NEB: variants seen among roughly 807,000 people sequenced by gnomAD.
NEB encodes nemaline myopathy type 2.
In NEB, 512 loss-of-function variants were observed where a neutral mutation model predicts 952.2. The ratio of observed to expected loss-of-function variants is 0.54; its 90% CI spans 0.50 to 0.58. The LOEUF (loss-of-function observed/expected upper bound fraction) is 0.58. Ranked by LOEUF, NEB falls within the 20% of genes least tolerant of loss-of-function variation. The probability of loss-of-function intolerance (pLI) is 0.00; values close to 1 mark genes in which losing one functional copy is unlikely to be tolerated. For missense variants in NEB, 8,428 were observed against 9,231.1 expected, an observed-to-expected ratio of 0.91 and a Z score of 3.56; for synonymous variants, 2,900 against 3,149.8, an observed-to-expected ratio of 0.92 and a Z score of 2.66.
At chr2:151,501,518 GACCCATC>G (rs1439777502) in intron 167 of NEB, 35 bp from the exon 168 acceptor site, 1 of 1,248,374 alleles carries the variant, frequency 8.0e-7, no homozygotes, top group East Asian at 2.7e-5. Context: ...AATCAACCTG[GACCCATC>G]ATTTTTTAGG....
intron 38 of NEB, among the ~76,000 whole-genome samples, chr2:151,670,419 A>AC: frequency 6.6e-6 from 1 of 152,118 alleles, no homozygotes; most frequent in African/African-American, 2.4e-5. Flanking sequence ...CAGAAAGAAT[A>AC]AGAGTCCATA....
intron 74 of NEB, among the ~76,000 whole-genome samples, 180 bp downstream of exon 74, chr2:151,618,095 C>G (rs2098265531): frequency 6.6e-6 from 1 of 152,072 alleles, no homozygotes; most frequent in Non-Finnish European, 1.5e-5. Flanking sequence ...GCACACAGTA[C>G]TTTTAACAAT....
At chr2:151,546,828 G>A (rs2094777962) in intron 133 of NEB, among the ~76,000 whole-genome samples, 1 of 152,148 alleles carries the variant, frequency 6.6e-6, no homozygotes, top group East Asian at 1.9e-4. Context: ...CAAAGTGCTG[G>A]GATTACAGGC....
In NEB at chr2:151,560,659, C is replaced by G. The variant is rs1021365910; in HGVS notation, c.19247G>C (p.Ser6416Thr). The G allele has an allele frequency of 1.2e-6, 2 of 1,612,358 alleles. No individual in the cohort carries two copies. The highest frequency in any genetic ancestry group is 1.7e-6 in the Non-Finnish European group (2 of 1,179,314). ...CAAGGTGCTGGAAGGCAGGATGTAG[C>G]TGGTGGCTTTCACTCTATCCCAGGC... The part of the protein sequence containing the change: ...KEAWDRVKAT[S>T]YILPSSTLSL... Residue 6416 changes from serine to threonine, a missense_variant, in exon 124 of 182, where the codon AGC becomes ACC. Ser to Thr is a moderately conservative substitution (Grantham distance 58, BLOSUM62 1). This residue lies in a region of NEB where 3,374 missense variants were observed against 3,651.5 expected (regional missense o/e 0.92). Coordinates refer to ENST00000397345, the MANE Select transcript of NEB (RefSeq NM_001164508.2).
At chr2:151,528,095 C>G (rs1266429115) in intron 146 of NEB, among the ~76,000 whole-genome samples, 1 of 152,154 alleles carries the variant, frequency 6.6e-6, no homozygotes, top group Non-Finnish European at 1.5e-5. Flanking sequence ...GTTAAGTAAA[C>G]TTCCCAAGGT....
At chr2:151,540,509 C>T in intron 137 of NEB, 61 bp from the exon 138 acceptor site, 1 of 1,328,616 alleles carries the variant, frequency 7.5e-7, no homozygotes, top group South Asian at 1.3e-5. Context: ...TCCAACCAAG[C>T]CACCTACAGG....
At chr2:151,531,134 C>T (rs1490880442) in intron 144 of NEB, 33 bp from the exon 145 acceptor site, 1 of 1,361,164 alleles carries the variant, frequency 7.3e-7, no homozygotes, top group Admixed American at 1.8e-5. Context: ...GACATCATGT[C>T]ATGCTTCTCA....
At chr2:151,702,050 A>G in intron 13 of NEB, among the ~76,000 whole-genome samples, 1 of 148,432 alleles carries the variant, frequency 6.7e-6, no homozygotes, top group Non-Finnish European at 1.5e-5. Flanking sequence ...CGTCCCAGAG[A>G]TTCTGGTATG....
At chr2:151,618,542 G>A in intron 73 of NEB, 64 bp from the exon 74 acceptor site, 1 of 1,489,520 alleles carries the variant, frequency 6.7e-7, no homozygotes, top group Non-Finnish European at 9.2e-7. Flanking sequence ...GTTACAAAAT[G>A]GGTTATCCTA....
chr2:151,684,802 C>T lies in NEB; in HGVS notation c.2811G>A (p.Lys937=), dbSNP rs756495284. The change falls in exon 28 of 182, where the codon AAG becomes AAA. Residue 937 remains lysine (K), a synonymous_variant. Transcript: ENST00000397345. ...CATCGCTCTGCAGCGCATATGCCTT[C>T]TTGGCAAGGTCCACATTGATGCTAT... ...PPDSINVDLA[K]KAYALQSDVE... The T allele has an allele frequency of 4.3e-6, 7 of 1,609,700 alleles. No individual in the cohort carries two copies. In the Admixed American group the frequency reaches 1.0e-4, roughly 23 times the overall value.
In NEB at chr2:151,684,782, C is replaced by T; in HGVS notation, c.2831G>A (p.Ser944Asn). ...DLAKKAYALQ[S>N]DVEYKADYNS... ...ACAGAAACCCTGGTTACTCACATCG[C>T]TCTGCAGCGCATATGCCTTCTTGGC... is the stretch of plus-strand genomic sequence containing the variant. The change falls in exon 28 of 182, where the codon AGC (serine) becomes AAC (asparagine). Residue 944 changes from serine (S) to asparagine (N), a missense_variant. Transcript: ENST00000397345. 1 of 1,590,282 alleles carries T rather than the reference C, an allele frequency of 6.3e-7. No homozygotes were observed. The highest frequency in any genetic ancestry group is 8.6e-7 in the Non-Finnish European group (1 of 1,167,862).
chr2:151,621,301 G>A (rs2098411545), intron 71 of NEB, among the ~76,000 whole-genome samples: 1 of 152,102 alleles, frequency 6.6e-6, no homozygotes, highest in Non-Finnish European at 1.5e-5. Context: ...TGTTTAGATT[G>A]TTCACCATTT....
At chr2:151,494,458 C>G (rs542263096) in intron 173 of NEB, among the ~76,000 whole-genome samples, 3 of 152,160 alleles carry the variant, frequency 2.0e-5, no homozygotes, top group African/African-American at 7.2e-5. Flanking sequence ...GCCCTGAAAC[C>G]CTTGAGGACT....
At chr2:151,679,436 C>T (rs2099398076) in intron 32 of NEB, among the ~76,000 whole-genome samples, 1 of 152,090 alleles carries the variant, frequency 6.6e-6, no homozygotes, top group Non-Finnish European at 1.5e-5. Flanking sequence ...AATGGTAAGT[C>T]ACTTCTGGAT....
rs1463522421 is a variant in NEB, at chr2:151,546,523, C to G, written c.20368-80G>C. 3 of 768,548 alleles carry G rather than the reference C, an allele frequency of 3.9e-6. No homozygotes were observed. In the African/African-American group the frequency reaches 5.4e-5, roughly 14 times the overall value. The allele number at this position is 768,548 out of a possible 1,614,324, so 47.6% of individuals were successfully genotyped here. On this transcript the variant is annotated intron_variant, in intron 133 of 181. Transcript: ENST00000397345. The stretch of plus-strand genomic sequence containing the variant: ...CACAAAAGATGGAGTAGCAACACTT[C>G]TTAATTACTGTGTCTTTCATTTTGG...
Position 151,533,443 on chromosome 2 carries a change from T to C in NEB, c.21416A>G (p.Gln7139Arg), listed in dbSNP as rs2153515078. The change falls in exon 143 of 182, where the codon CAG becomes CGG. Residue 7139 changes from glutamine to arginine, a missense_variant and splice_region_variant. Around this residue, in one of 11 missense-constraint regions of NEB, gnomAD observed 3,374 missense variants for 3,651.5 expected, o/e 0.92. Transcript: ENST00000397345. ...TALYNSHMWS[Q>R]IKYRKNYEKS... ...TCTTCACATCCCATCAGACATTACC[T>C]GGCTCCACATATGCGAATTGTAGAG... The C allele has an allele frequency of 6.5e-7, 1 of 1,545,828 alleles. No individual in the cohort carries two copies. The highest frequency in any genetic ancestry group is 8.8e-7 in the Non-Finnish European group (1 of 1,141,526).
chr2:151,551,125 A>T (rs1235162861), intron 129 of NEB, among the ~76,000 whole-genome samples: 1 of 151,648 alleles, frequency 6.6e-6, no homozygotes, highest in Admixed American at 6.6e-5. Flanking sequence ...GCACTGCCAT[A>T]TCTGGCTAAT....
At position 151,570,261 on chromosome 2, in the gene NEB, G is replaced by A. The variant is rs2096578127; in HGVS notation, c.17250C>T (p.Asp5750=). ...GGATCTTGGCCTTCCATTTGGCCCA[G>A]TCCAGCCGGTACTCTCGTTCATTCT... ...KLQNEREYRL[D]WAKWKAKIQS... is the part of the protein sequence containing the mutation. Residue 5750 remains aspartate (D), a synonymous_variant, in exon 109 of 182, where the codon GAC becomes GAT. Coordinates refer to ENST00000397345, the MANE Select transcript of NEB (RefSeq NM_001164508.2). 2 of 1,613,658 alleles carry A rather than the reference G, an allele frequency of 1.2e-6. No homozygotes were observed. The highest frequency in any genetic ancestry group is 2.7e-5 in the African/African-American group (2 of 74,916).
chr2:151,565,440 C>T, intron 116 of NEB, 61 bp downstream of exon 116: 2 of 1,146,440 alleles, frequency 1.7e-6, no homozygotes, highest in South Asian at 2.6e-5. Context: ...AGCTAATCCA[C>T]CCAATGATAG....
Sources: allele counts gnomAD v4.1 joint callset (sites outside exome capture counted in the v4.1 genomes callset), GRCh38; gene constraint gnomAD v4.1.1; regional missense constraint gnomAD v4.1.1; transcripts MANE v1.5; gene names NCBI Gene and HGNC (gene_info 2026-07-23, HGNC 2026-07-21).